Variants in AFAP1L1 observed in about 807,000 individuals in gnomAD.
AFAP1L1 encodes the protein actin filament associated protein 1 like 1, also known as actin filament-associated protein 1-like 1.
A neutral mutation model predicts 99.8 loss-of-function variants in AFAP1L1; 77 were observed. That is an observed-to-expected ratio of 0.77 (90% CI 0.64 to 0.93). The LOEUF (loss-of-function observed/expected upper bound fraction) is 0.93. Ranked by LOEUF, AFAP1L1 falls within the 40% of genes least tolerant of loss-of-function variation. The pLI is 0.00. For missense variants in AFAP1L1, 893 were observed against 996.8 expected, an observed-to-expected ratio of 0.90 and a Z score of 1.40; for synonymous variants, 373 against 395.3, an observed-to-expected ratio of 0.94 and a Z score of 0.67.
rs563099593 is a variant in AFAP1L1 at position 149,312,136 on chromosome 5, G to T, written c.952G>T (p.Val318Phe). Residue 318 changes from valine (V) to phenylalanine (F), a missense_variant, in exon 9 of 19, where the codon GTT becomes TTT. Physicochemically the swap from Val to Phe is conservative, Grantham distance 50 (BLOSUM62 -1). Coordinates refer to ENST00000296721, the MANE Select transcript of AFAP1L1 (RefSeq NM_152406.4). ...LKVIREVSKP[V>F]GGAEGVEVPR... is the part of the protein sequence containing the mutation. ...GGTCATCCGAGAAGTGAGCAAGCCA[G>T]TTGGGGGAGCTGAGGGAGTGGAGGT... is the stretch of plus-strand genomic sequence containing the variant. 3 of 1,614,026 alleles carry T rather than the reference G, an allele frequency of 1.9e-6. No homozygotes were observed. Among genetic ancestry groups the T allele is most frequent in the African/African-American group, 2.7e-5 (2 of 75,056 alleles).
intron 17 of AFAP1L1, among the ~76,000 whole-genome samples, chr5:149,335,106 G>C (rs1415764625): frequency 6.6e-6 from 1 of 152,196 alleles, no homozygotes; most frequent in Non-Finnish European, 1.5e-5. Flanking sequence ...AGTAATTTTA[G>C]TTGTCATTAT....
At chr5:149,338,013 G>C (rs1461722329) in intron 18 of AFAP1L1, among the ~76,000 whole-genome samples, 1 of 152,184 alleles carries the variant, frequency 6.6e-6, no homozygotes, top group Admixed American at 6.5e-5. Flanking sequence ...AACCATGAAG[G>C]GGGAAGAGGC....
At chr5:149,278,119 G>A (rs548868390) in intron 1 of AFAP1L1, among the ~76,000 whole-genome samples, 9 of 152,188 alleles carry the variant, frequency 5.9e-5, no homozygotes, top group African/African-American at 2.2e-4. Flanking sequence ...AAACAATCCT[G>A]GTTTTAGATA....
intron 1 of AFAP1L1, among the ~76,000 whole-genome samples, chr5:149,297,718 T>C (rs550740454): frequency 1.3e-5 from 2 of 152,308 alleles, no homozygotes; most frequent in Admixed American, 6.5e-5. Flanking sequence ...TGTTCATTCC[T>C]GTCTTGTCAG....
At chr5:149,287,615 A>G (rs1283750593) in intron 1 of AFAP1L1, among the ~76,000 whole-genome samples, 2 of 152,100 alleles carry the variant, frequency 1.3e-5, no homozygotes, top group Admixed American at 6.5e-5. Context: ...ATGGAATCTC[A>G]CACTGTCGCC....
chr5:149,335,765 G>T, intron 18 of AFAP1L1, 43 bp downstream of exon 18: 4 of 1,594,682 alleles, frequency 2.5e-6, no homozygotes, highest in Non-Finnish European at 3.4e-6. Flanking sequence ...AGATCTGGTA[G>T]CCCCCTTTCT....
At chr5:149,331,275 T>A (rs918814738) in intron 16 of AFAP1L1, among the ~76,000 whole-genome samples, 2 of 151,898 alleles carry the variant, frequency 1.3e-5, no homozygotes, top group African/African-American at 4.9e-5. Context: ...CATCTCTATT[T>A]TTCTAAAAGA....
chr5:149,322,801 C>A, intron 15 of AFAP1L1, 84 bp downstream of exon 15: 1 of 1,123,470 alleles, frequency 8.9e-7, no homozygotes, highest in Non-Finnish European at 1.3e-6. Context: ...ATCAGTTTCC[C>A]TGGTGGGTAA....
intron 1 of AFAP1L1, among the ~76,000 whole-genome samples, chr5:149,283,765 A>C (rs190712912): frequency 7.7e-4 from 117 of 152,336 alleles, no homozygotes; most frequent in African/African-American, 2.7e-3. Flanking sequence ...CTGATGCAAA[A>C]CCAAGGGGGA....
chr5:149,317,019 G>T (rs904769609), intron 11 of AFAP1L1, among the ~76,000 whole-genome samples: 1 of 152,096 alleles, frequency 6.6e-6, no homozygotes, highest in Non-Finnish European at 1.5e-5. Context: ...ACAAAAATTA[G>T]CCAGGCATGG....
rs144409902 is a variant in AFAP1L1 at position 149,340,021 on chromosome 5, G to A, written c.2298G>A (p.Lys766=). Residue 766 remains lysine (K), a synonymous_variant, in exon 19 of 19, where the codon AAG becomes AAA. Transcript: ENST00000296721. ...CTGTGCTTCAGGAATGGGAAATGAA[G>A]AAGACCTAGGAAGAGGATGAGGATT... ...VLQKAKEWEM[K]KT is the part of the protein sequence containing the mutation. The A allele has an allele frequency of 1.2e-3, 1,907 of 1,614,028 alleles. 1 individual carries two copies. The highest frequency in any genetic ancestry group is 1.4e-3 in the Non-Finnish European group (1,699 of 1,179,936).
chr5:149,329,194 T>C (rs1757180826), intron 15 of AFAP1L1, among the ~76,000 whole-genome samples: 1 of 152,220 alleles, frequency 6.6e-6, no homozygotes, highest in African/African-American at 2.4e-5. Flanking sequence ...ACCCTTACTA[T>C]TTGCCAGGTA....
chr5:149,315,894 G>A lies in AFAP1L1; in HGVS notation c.1094G>A (p.Arg365His), dbSNP rs371511486. The change falls in exon 10 of 19, where the codon CGC (arginine) becomes CAC (histidine). Residue 365 changes from arginine (R) to histidine (H), a missense_variant. Coordinates refer to ENST00000296721, the MANE Select transcript of AFAP1L1 (RefSeq NM_152406.4). ...GVGDNCSTLG[R>H]RETCDHGKGK... Reference sequence around the variant, plus strand: ...GGTGACAACTGTTCTACCCTTGGCCGCCGGGAGACCTGTGATCACGGTAGG... The same window carrying A: ...GGTGACAACTGTTCTACCCTTGGCCACCGGGAGACCTGTGATCACGGTAGG... 56 of 1,614,032 alleles carry A rather than the reference G, an allele frequency of 3.5e-5. No homozygotes were observed. The highest frequency in any genetic ancestry group is 1.9e-4 in the South Asian group (17 of 91,088).
chr5:149,282,400 C>A (rs1404761210), intron 1 of AFAP1L1, among the ~76,000 whole-genome samples: 1 of 152,214 alleles, frequency 6.6e-6, no homozygotes, highest in East Asian at 1.9e-4. Context: ...AGAGTCACAG[C>A]TAAATGAGTA....
chr5:149,338,114 G>A (rs552151747), intron 18 of AFAP1L1, among the ~76,000 whole-genome samples: 32 of 152,314 alleles, frequency 2.1e-4, no homozygotes, highest in Admixed American at 1.6e-3. Flanking sequence ...TATCAACACT[G>A]CTGTGGGAAT....
At chr5:149,306,207 T>A (rs1756405058) in intron 5 of AFAP1L1, 99 bp from the exon 6 acceptor site, 6 of 993,468 alleles carry the variant, frequency 6.0e-6, no homozygotes, top group African/African-American at 1.6e-5. Context: ...TGCTGTCTCT[T>A]CCCTGAGGTG....
At chr5:149,330,941 TTTTTGCATTAAAATTTTTTTTTAAA>T in intron 16 of AFAP1L1, among the ~76,000 whole-genome samples, 1 of 152,132 alleles carries the variant, frequency 6.6e-6, no homozygotes, top group Non-Finnish European at 1.5e-5. Context: ...TTTTTTTTAA[TTTTTGCATTAAAATTTTTTTTTAAA>T]TTTTGCACCA....
intron 17 of AFAP1L1, among the ~76,000 whole-genome samples, chr5:149,334,322 A>C (rs1258735945): frequency 6.6e-6 from 1 of 152,186 alleles, no homozygotes; most frequent in African/African-American, 2.4e-5. Context: ...AACTTCCCAG[A>C]GTCACAGAGG....
chr5:149,331,982 G>C (rs558331909), intron 16 of AFAP1L1, among the ~76,000 whole-genome samples: 1 of 152,040 alleles, frequency 6.6e-6, no homozygotes, highest in African/African-American at 2.4e-5. Context: ...TGATTGGTCC[G>C]ACTTTCATCC....
Sources: gnomAD v4.1 joint callset for allele counts (sites outside exome capture counted in the v4.1 genomes callset) on GRCh38, gnomAD v4.1.1 for gene constraint, MANE v1.5 for transcripts, NCBI Gene and HGNC (gene_info 2026-07-23, HGNC 2026-07-21) for gene names.